MARK1: variants seen among roughly 807,000 people sequenced by gnomAD.
MARK1 encodes serine/threonine-protein kinase MARK1.
Under a neutral mutation model 96.3 loss-of-function variants are expected in MARK1, and 40 were observed. That is an observed-to-expected ratio of 0.42 (90% CI 0.32 to 0.54). MARK1 has a LOEUF of 0.54. MARK1 is among the 20% of genes least tolerant of loss of function. The pLI is 0.16. For synonymous variants in MARK1, 317 were observed against 341.2 expected (o/e 0.93, Z 0.78); for missense variants, 719 against 984.6 (o/e 0.73, Z 3.61).
chr1:220,616,020 T>A (rs12137627), intron 7 of MARK1, 25 bp downstream of exon 7: 773,784 of 856,164 alleles, frequency 0.9, 349,033 homozygotes, highest in East Asian at 0.92. Flanking sequence ...GTAATTTTTT[T>A]AAAAAAAAAA....
intron 13 of MARK1, among the ~76,000 whole-genome samples, chr1:220,637,950 C>T (rs1374226449): frequency 6.6e-6 from 1 of 151,780 alleles, no homozygotes; most frequent in African/African-American, 2.4e-5. Flanking sequence ...AGCCTTACCT[C>T]TTTTGAATAT....
At chr1:220,588,896 T>A (rs1392539459) in intron 3 of MARK1, among the ~76,000 whole-genome samples, 2 of 152,126 alleles carry the variant, frequency 1.3e-5, no homozygotes, top group Non-Finnish European at 2.9e-5. Flanking sequence ...TTATAAAGAT[T>A]GCAGTGAAGA....
At chr1:220,589,351 G>A (rs545587494) in intron 3 of MARK1, among the ~76,000 whole-genome samples, 13 of 152,282 alleles carry the variant, frequency 8.5e-5, no homozygotes, top group African/African-American at 3.1e-4. Context: ...GCAGAGGAAT[G>A]GAAGAGATAG....
chr1:220,586,011 A>ACACGCGCGCGCG (rs112968910), intron 3 of MARK1, among the ~76,000 whole-genome samples: 1 of 148,536 alleles, frequency 6.7e-6, no homozygotes, highest in African/African-American at 2.6e-5. Context: ...ACACACACAC[A>ACACGCGCGCGCG]CGCGCGCGTG....
rs968712341 is a variant in MARK1 at position 220,609,001 on chromosome 1, G to C, written c.495+4864G>C. On this transcript the variant is annotated intron_variant, in intron 6 of 17. Coordinates refer to ENST00000366917, the MANE Select transcript of MARK1 (RefSeq NM_018650.5). ...GTATGTGGACGGTTTTGGAATAAGT[G>C]CAAAGTGATGCTGAGAAGAATGTAT... 3.9e-5 allele frequency among the ~76,000 whole-genome samples: 6 copies of C among 152,200 alleles called. 1 individual carries two copies. Among genetic ancestry groups the C allele is most frequent in the Admixed American group, 2.6e-4 (4 of 15,278 alleles).
chr1:220,618,510 C>T lies in MARK1; in HGVS notation c.753C>T (p.Val251=). The change falls in exon 8 of 18, where the codon GTC becomes GTT. Residue 251 remains valine (V), a synonymous_variant. Coordinates refer to ENST00000366917, the MANE Select transcript of MARK1 (RefSeq NM_018650.5). This position sits in a 1 kb window ranked among gnomAD's most constrained non-coding sequence, Gnocchi z 4.6. Reference sequence around the variant, plus strand: ...TGGGCGTCATTCTCTATACATTAGTCAGTGGCTCCTTGCCTTTCGATGGCC... The same window carrying T: ...TGGGCGTCATTCTCTATACATTAGTTAGTGGCTCCTTGCCTTTCGATGGCC... ...WSLGVILYTL[V]SGSLPFDGQN... is the part of the protein sequence containing the mutation. 1 of 1,614,144 alleles carries T rather than the reference C, an allele frequency of 6.2e-7. No homozygotes were observed. Among genetic ancestry groups the T allele is most frequent in the Non-Finnish European group, 8.5e-7 (1 of 1,180,012 alleles).
intron 3 of MARK1, among the ~76,000 whole-genome samples, chr1:220,584,138 G>A (rs983062401): frequency 6.6e-6 from 1 of 152,148 alleles, no homozygotes; most frequent in Non-Finnish European, 1.5e-5. Context: ...GTGTCAGTCT[G>A]TCTCAGCTTA....
intron 3 of MARK1, among the ~76,000 whole-genome samples, chr1:220,591,263 A>G (rs972042659): frequency 5.9e-5 from 9 of 152,164 alleles, no homozygotes; most frequent in Admixed American, 3.3e-4. Context: ...CTGCCAGTCT[A>G]TTTCTTTAGA....
At chr1:220,598,400 A>ATATATATATATATATAT (rs1665518316) in intron 4 of MARK1, 21 bp downstream of exon 4, 1 of 199,536 alleles carries the variant, frequency 5.0e-6, no homozygotes, top group Non-Finnish European at 1.0e-5. Flanking sequence ...TATATATATT[A>ATATATATATATATATAT]TATATATATA....
intron 1 of MARK1, among the ~76,000 whole-genome samples, chr1:220,553,590 G>A (rs897166572): frequency 5.3e-5 from 8 of 152,186 alleles, no homozygotes; most frequent in Non-Finnish European, 1.2e-4. Flanking sequence ...ATAGTGGAAT[G>A]TTGCAGTGCA....
At chr1:220,646,512 A>G (rs980449249) in intron 13 of MARK1, among the ~76,000 whole-genome samples, 1 of 152,218 alleles carries the variant, frequency 6.6e-6, no homozygotes, top group Non-Finnish European at 1.5e-5. Flanking sequence ...TGCTATTCCC[A>G]TTAAACCACC....
At chr1:220,612,587 T>C (rs1379213577) in intron 6 of MARK1, among the ~76,000 whole-genome samples, 1 of 152,146 alleles carries the variant, frequency 6.6e-6, no homozygotes, top group Admixed American at 6.5e-5. Flanking sequence ...ACCAGAGATA[T>C]GTAAACATAC....
intron 3 of MARK1, among the ~76,000 whole-genome samples, chr1:220,596,441 T>G (rs1572147331): frequency 6.6e-6 from 1 of 152,362 alleles, no homozygotes; most frequent in East Asian, 1.9e-4. Flanking sequence ...TGAACATGAA[T>G]GAATCCACCT....
chr1:220,569,640 C>G (rs1358706213), intron 1 of MARK1, among the ~76,000 whole-genome samples: 1 of 152,018 alleles, frequency 6.6e-6, no homozygotes, highest in Non-Finnish European at 1.5e-5. Context: ...GTTCCAATAC[C>G]ATTTGTTGAA....
chr1:220,548,766 T>A (rs1661669228), intron 1 of MARK1, among the ~76,000 whole-genome samples: 1 of 151,838 alleles, frequency 6.6e-6, no homozygotes, highest in African/African-American at 2.4e-5. Flanking sequence ...AGAAAAAAAA[T>A]ATAATAATAA....
chr1:220,565,191 A>T (rs1662962477), intron 1 of MARK1, among the ~76,000 whole-genome samples: 1 of 152,196 alleles, frequency 6.6e-6, no homozygotes, highest in South Asian at 2.1e-4. Flanking sequence ...TATTTTAATT[A>T]TATCCATCAA....
At chr1:220,592,073 A>T in intron 3 of MARK1, among the ~76,000 whole-genome samples, 1 of 151,904 alleles carries the variant, frequency 6.6e-6, no homozygotes, top group East Asian at 1.9e-4. Context: ...TATTGGACAG[A>T]CTTTGAGGCA....
chr1:220,621,672 T>A (rs767295371), intron 9 of MARK1, among the ~76,000 whole-genome samples: 24 of 152,100 alleles, frequency 1.6e-4, no homozygotes, highest in Non-Finnish European at 2.8e-4. Flanking sequence ...TTTCTGGTAA[T>A]TTCCACATTT....
At chr1:220,529,176 G>T (rs937941225) in intron 1 of MARK1, among the ~76,000 whole-genome samples, 8 of 152,186 alleles carry the variant, frequency 5.3e-5, no homozygotes, top group African/African-American at 1.7e-4. Context: ...TGGCAGAGTG[G>T]GCAGTCAGGA....
Sources: allele counts gnomAD v4.1 joint callset (sites outside exome capture counted in the v4.1 genomes callset), GRCh38; gene constraint gnomAD v4.1.1; non-coding constraint Gnocchi (gnomAD v3.1); transcripts MANE v1.5; gene names NCBI Gene and HGNC (gene_info 2026-07-23, HGNC 2026-07-21).